Variants in NEIL3 observed in about 807,000 individuals in gnomAD.
The protein encoded by NEIL3 is nei like DNA glycosylase 3, also known as endonuclease 8-like 3.
A neutral mutation model predicts 57.5 loss-of-function variants in NEIL3; 48 were observed. The observed-to-expected ratio is 0.83, with a 90% CI of 0.66 to 1.06. The LOEUF (loss-of-function observed/expected upper bound fraction) is 1.06, where lower values mean the gene tolerates loss of function less well. Ranked by LOEUF, NEIL3 falls within the 50% of genes least tolerant of loss-of-function variation. NEIL3 has a pLI of 0.00. For synonymous variants in NEIL3, 261 were observed against 253.2 expected, an observed-to-expected ratio of 1.03 and a Z score of -0.29; for missense variants, 717 against 739.1, an observed-to-expected ratio of 0.97 and a Z score of 0.35.
the NEIL3 span, among the ~76,000 whole-genome samples, chr4:177,368,598 C>T: frequency 6.6e-6 from 1 of 152,182 alleles, no homozygotes; most frequent in African/African-American, 2.4e-5. Context: ...AAGTATTGTA[C>T]TTTGCATACA....
At chr4:177,326,066 AT>A (rs562303294) in intron 2 of NEIL3, among the ~76,000 whole-genome samples, 144 of 151,694 alleles carry the variant, frequency 9.5e-4, no homozygotes, top group Non-Finnish European at 1.7e-3. Flanking sequence ...AATTTATCAA[AT>A]TTTTTTTTCA....
chr4:177,347,375 G>C (rs957358871), intron 6 of NEIL3, among the ~76,000 whole-genome samples: 2 of 152,154 alleles, frequency 1.3e-5, no homozygotes, highest in Admixed American at 6.5e-5. Flanking sequence ...GCTTGGCCAA[G>C]GCAAGTTTCT....
In NEIL3 at chr4:177,356,429, AT is replaced by A. The variant is rs912693529; in HGVS notation, c.1460+2702del. ...CAATCAAGATCAACTAGCAGAATAA[AT>A]GTCAAGTGATGAAATAAATTCACCC... On this transcript the variant is annotated intron_variant, in intron 8 of 9. Transcript: ENST00000264596. 5.3e-5 allele frequency among the ~76,000 whole-genome samples: 8 copies of A among 152,336 alleles called. 1 individual carries two copies. Among genetic ancestry groups the A allele is most frequent in the African/African-American group, 1.9e-4 (8 of 41,574 alleles).
chr4:177,360,908 A>T (rs964053731), intron 9 of NEIL3, among the ~76,000 whole-genome samples: 5 of 152,354 alleles, frequency 3.3e-5, no homozygotes, highest in Non-Finnish European at 7.3e-5. Context: ...TCATATTTAT[A>T]ATCATAAGTC....
intron 1 of NEIL3, among the ~76,000 whole-genome samples, chr4:177,319,792 G>A (rs1734642984): frequency 1.3e-5 from 2 of 152,126 alleles, no homozygotes; most frequent in Non-Finnish European, 2.9e-5. Flanking sequence ...GGGTGTGTGT[G>A]TGTGTAAAAT....
At chr4:177,351,354 G>T (rs1295104776) in intron 6 of NEIL3, 26 bp from the exon 7 acceptor site, 1 of 1,517,924 alleles carries the variant, frequency 6.6e-7, no homozygotes, top group Non-Finnish European at 9.0e-7. Flanking sequence ...TAATAACAAT[G>T]ATTAATTTTA....
chr4:177,335,966 T>C (rs947340294), intron 3 of NEIL3, 142 bp from the exon 4 acceptor site: 2 of 1,032,332 alleles, frequency 1.9e-6, no homozygotes, highest in African/African-American at 3.3e-5. Flanking sequence ...GATAATATAA[T>C]TTGTAAGGTC....
At chr4:177,367,257 T>G (rs1433569310), downstream of NEIL3, among the ~76,000 whole-genome samples, 1 of 152,182 alleles carries the variant, frequency 6.6e-6, no homozygotes, top group African/African-American at 2.4e-5. Flanking sequence ...TTAGGAGAGC[T>G]TAGATCCTAT....
downstream of NEIL3, among the ~76,000 whole-genome samples, chr4:177,363,135 C>T (rs77188876): frequency 4.1e-3 from 624 of 152,210 alleles, 6 homozygotes; most frequent in African/African-American, 0.014. Flanking sequence ...ATTTTTCTAA[C>T]GCCCTCTCCC....
Position 177,322,473 on chromosome 4 carries a change from TA to T in NEIL3, c.173del (p.Asn58MetfsTer8). ...TTTTCCACTAGGCTGCTGCACTGAA[TA>T]ATGATTCCAGCCAGAATGTCTTGAG... ...VVSPQAAALNNDSSQNVLSLF... is the reference protein window; with the variant it reads ...VVSPQAAALNXDSSQNVLSLF... On this transcript the variant is annotated frameshift_variant, in exon 2 of 10. Coordinates refer to ENST00000264596, the MANE Select transcript of NEIL3 (RefSeq NM_018248.3). LOFTEE classifies it high-confidence loss of function. 6.2e-7 allele frequency: 1 copy of T among 1,613,994 alleles called. No homozygotes were observed. Among genetic ancestry groups the T allele is most frequent in the Non-Finnish European group, 8.5e-7 (1 of 1,179,864 alleles).
chr4:177,349,916 G>C (rs1037209550), intron 6 of NEIL3, among the ~76,000 whole-genome samples: 1 of 152,172 alleles, frequency 6.6e-6, no homozygotes, highest in Non-Finnish European at 1.5e-5. Flanking sequence ...TTTAATTATA[G>C]ATAAATGCAT....
chr4:177,363,947 G>A (rs1429026181), downstream of NEIL3, among the ~76,000 whole-genome samples: 2 of 152,068 alleles, frequency 1.3e-5, no homozygotes, highest in African/African-American at 4.8e-5. Context: ...GACAGGGTTT[G>A]CCATACCGCC....
chr4:177,350,874 C>T (rs1735334193), intron 6 of NEIL3, among the ~76,000 whole-genome samples: 1 of 151,766 alleles, frequency 6.6e-6, no homozygotes, highest in African/African-American at 2.4e-5. Context: ...ATGTTTCTCA[C>T]TTTAACAACA....
chr4:177,319,487 A>G (rs1461306045), intron 1 of NEIL3, among the ~76,000 whole-genome samples: 1 of 152,156 alleles, frequency 6.6e-6, no homozygotes, highest in Non-Finnish European at 1.5e-5. Context: ...TTTTGGGGGA[A>G]CAAGTGGTGT....
At chr4:177,334,458 A>AT (rs1337320799) in intron 2 of NEIL3, among the ~76,000 whole-genome samples, 2 of 152,114 alleles carry the variant, frequency 1.3e-5, no homozygotes, top group African/African-American at 2.4e-5. Context: ...AACCTTTGAG[A>AT]TTTTTTATGT....
At position 177,322,663 on chromosome 4, in the gene NEIL3, A is replaced by C. The variant is rs1181664505; in HGVS notation, c.278+83A>C. On this transcript the variant is annotated intron_variant, in intron 2 of 9. Coordinates refer to ENST00000264596, the MANE Select transcript of NEIL3 (RefSeq NM_018248.3). ...CTAGATGGAGTTTGCCGGGTGTCAC[A>C]TTTAATCATATAGGAAGTACTGTGT... 3.3e-6 allele frequency: 5 copies of C among 1,518,950 alleles called. No individual in the cohort carries two copies. In the Admixed American group the frequency reaches 8.5e-5, roughly 26 times the overall value. 94.1% of individuals were successfully genotyped at this position (1,518,950 alleles called of 1,614,324 possible).
At chr4:177,357,366 ATTT>A (rs111326874) in intron 8 of NEIL3, among the ~76,000 whole-genome samples, 1 of 150,420 alleles carries the variant, frequency 6.6e-6, no homozygotes, top group Non-Finnish European at 1.5e-5. Context: ...TTTTTGTGTG[ATTT>A]TTTTTTTAAG....
chr4:177,346,319 A>T (rs1735219830), intron 6 of NEIL3, among the ~76,000 whole-genome samples: 1 of 151,248 alleles, frequency 6.6e-6, no homozygotes. Flanking sequence ...GGCATGCACC[A>T]TCATGCTTGC....
At chr4:177,344,501 A>G (rs1445117974) in intron 6 of NEIL3, among the ~76,000 whole-genome samples, 1 of 151,974 alleles carries the variant, frequency 6.6e-6, no homozygotes, top group Non-Finnish European at 1.5e-5. Flanking sequence ...CCAATTTTCC[A>G]GTTTCTACTG....
Sources: allele counts gnomAD v4.1 joint callset (sites outside exome capture counted in the v4.1 genomes callset), GRCh38; gene constraint gnomAD v4.1.1; transcripts MANE v1.5; gene names NCBI Gene and HGNC (gene_info 2026-07-23, HGNC 2026-07-21).